DMRT1: variants seen among roughly 807,000 people sequenced by gnomAD.
DMRT1 encodes the protein doublesex- and mab-3-related transcription factor 1.
Under a neutral mutation model 32.3 loss-of-function variants are expected in DMRT1, and 7 were observed. That is an observed-to-expected ratio of 0.22 (90% CI 0.12 to 0.41). The LOEUF is 0.41. DMRT1 is among the 10% of genes least tolerant of loss of function. DMRT1 has a pLI of 1.00. For missense variants in DMRT1, 625 were observed against 500.5 expected (o/e 1.25, Z -2.37); for synonymous variants, 278 against 206.1 (o/e 1.35, Z -2.99).
intron 4 of DMRT1, among the ~76,000 whole-genome samples, chr9:925,381 A>G (rs1818487294): frequency 6.6e-6 from 1 of 152,198 alleles, no homozygotes; most frequent in South Asian, 2.1e-4. Context: ...TGCCATGTAG[A>G]ATCTTCCCTT....
intron 3 of DMRT1, among the ~76,000 whole-genome samples, chr9:913,948 A>T (rs1042559057): frequency 1.3e-5 from 2 of 152,122 alleles, no homozygotes; most frequent in African/African-American, 2.4e-5. Context: ...GGTACTAAGT[A>T]TGAGAGGAAG....
chr9:874,939 C>G (rs1312645040), intron 2 of DMRT1, among the ~76,000 whole-genome samples: 1 of 150,756 alleles, frequency 6.6e-6, no homozygotes, highest in African/African-American at 2.4e-5. Flanking sequence ...TCTTGAGTAG[C>G]TGGGACTACG....
At chr9:896,807 T>C (rs896896302) in intron 3 of DMRT1, among the ~76,000 whole-genome samples, 1 of 151,930 alleles carries the variant, frequency 6.6e-6, no homozygotes, top group Non-Finnish European at 1.5e-5. Context: ...AGTGAGACTC[T>C]GTCTCAAAAG....
chr9:934,568 C>A (rs1480970739), intron 4 of DMRT1, among the ~76,000 whole-genome samples: 2 of 152,146 alleles, frequency 1.3e-5, no homozygotes, highest in African/African-American at 4.8e-5. Flanking sequence ...AAAGAGAAGT[C>A]ATTGCCAAAT....
intron 2 of DMRT1, among the ~76,000 whole-genome samples, chr9:867,136 G>A (rs916614172): frequency 1.3e-5 from 2 of 152,094 alleles, no homozygotes; most frequent in African/African-American, 4.8e-5. Context: ...CAGTGGAGAG[G>A]AGTTTGACAG....
At chr9:916,587 G>A (rs1055409689) in intron 3 of DMRT1, among the ~76,000 whole-genome samples, 176 bp from the exon 4 acceptor site, 2 of 152,136 alleles carry the variant, frequency 1.3e-5, no homozygotes, top group Admixed American at 1.3e-4. Flanking sequence ...GCCCTGGCTG[G>A]TCTTGAACTC....
rs575493865 is a variant in DMRT1 at position 872,950 on chromosome 9, C to G, written c.539-20962C>G. The stretch of plus-strand genomic sequence containing the variant: ...GGCCAGCTGATTGGACGATGTCCCC[C>G]CACATTAAAGGCAGATCTTCTCTAC... On this transcript the variant is annotated intron_variant, in intron 2 of 4. Transcript: ENST00000382276. 7.9e-5 allele frequency among the ~76,000 whole-genome samples: 12 copies of G among 152,272 alleles called. No individual in the cohort carries two copies. In the South Asian group the frequency reaches 2.1e-3, roughly 26 times the overall value.
intron 4 of DMRT1, among the ~76,000 whole-genome samples, chr9:936,740 C>G (rs1271647353): frequency 1.7e-5 from 2 of 117,576 alleles, no homozygotes; most frequent in Non-Finnish European, 3.4e-5. Flanking sequence ...GGCAACAGAG[C>G]AAAACTTCAT....
chr9:844,022 C>T (rs7856704), intron 1 of DMRT1, among the ~76,000 whole-genome samples: 43,966 of 151,850 alleles, frequency 0.29, 6,606 homozygotes, highest in African/African-American at 0.39. Flanking sequence ...ATACTCTGGG[C>T]AGAAAAATTC....
intron 3 of DMRT1, among the ~76,000 whole-genome samples, chr9:895,218 G>A (rs983138060): frequency 6.6e-6 from 1 of 152,188 alleles, no homozygotes; most frequent in African/African-American, 2.4e-5. Flanking sequence ...ATCTAGGGCT[G>A]TTCTGCTTCC....
At chr9:966,482 T>A (rs965600946) in intron 4 of DMRT1, among the ~76,000 whole-genome samples, 3 of 152,234 alleles carry the variant, frequency 2.0e-5, no homozygotes, top group Admixed American at 6.5e-5. Context: ...AAATTGTTTT[T>A]CAAATTTATT....
At chr9:864,094 C>A (rs1180723584) in intron 2 of DMRT1, among the ~76,000 whole-genome samples, 1 of 152,140 alleles carries the variant, frequency 6.6e-6, no homozygotes, top group Non-Finnish European at 1.5e-5. Flanking sequence ...GCAGAGAAGC[C>A]TGTAACTTTT....
rs998481450 is a variant in DMRT1 at position 855,615 on chromosome 9, A to G, written c.538+8472A>G. Among the ~76,000 whole-genome samples the G allele has an allele frequency of 2.0e-5, 3 of 152,348 alleles. No homozygotes were observed. In the East Asian group the frequency reaches 5.8e-4, roughly 29 times the overall value. ...TTTTGTTCTGTGATATTTTAAACAT[A>G]TATCTGAATTTTTTTTCTTTTTGAG... is the stretch of plus-strand genomic sequence containing the variant. On this transcript the variant is annotated intron_variant, in intron 2 of 4. Transcript: ENST00000382276.
At chr9:867,301 A>G (rs565295141) in intron 2 of DMRT1, among the ~76,000 whole-genome samples, 26 of 152,066 alleles carry the variant, frequency 1.7e-4, no homozygotes, top group Non-Finnish European at 3.1e-4. Context: ...ACGTTTGTCA[A>G]ACTGAAGATC....
At chr9:877,599 T>A (rs1304023419) in intron 2 of DMRT1, among the ~76,000 whole-genome samples, 1 of 152,188 alleles carries the variant, frequency 6.6e-6, no homozygotes, top group Non-Finnish European at 1.5e-5. Flanking sequence ...TGAACAGAAC[T>A]CCTCCTCCCA....
chr9:915,980 A>G (rs1009060138), intron 3 of DMRT1, among the ~76,000 whole-genome samples: 7 of 152,070 alleles, frequency 4.6e-5, no homozygotes, highest in African/African-American at 1.7e-4. Context: ...TGATCTGCCC[A>G]TCTTGGCCTC....
chr9:890,602 C>G (rs1401139609), intron 2 of DMRT1, among the ~76,000 whole-genome samples: 2 of 152,184 alleles, frequency 1.3e-5, no homozygotes, highest in Non-Finnish European at 2.9e-5. Context: ...CCCACACACT[C>G]AGCCAGTGGA....
At chr9:902,146 G>T (rs946083345) in intron 3 of DMRT1, among the ~76,000 whole-genome samples, 2 of 151,734 alleles carry the variant, frequency 1.3e-5, no homozygotes, top group African/African-American at 4.8e-5. Flanking sequence ...CTGACCTCAG[G>T]TGATCCGCCC....
intron 2 of DMRT1, among the ~76,000 whole-genome samples, chr9:848,552 C>CTTTT (rs143346289): frequency 2.0e-4 from 19 of 97,014 alleles, no homozygotes; most frequent in South Asian, 3.7e-4. Context: ...TGTTTCCTTT[C>CTTTT]TTTTTTTTTT....
Sources: allele counts gnomAD v4.1 joint callset (sites outside exome capture counted in the v4.1 genomes callset), GRCh38; gene constraint gnomAD v4.1.1; transcripts MANE v1.5; gene names NCBI Gene and HGNC (gene_info 2026-07-23, HGNC 2026-07-21).